Variants in HRAS observed in about 807,000 individuals in gnomAD.
HRAS encodes the protein HRas proto-oncogene, GTPase.
A neutral mutation model predicts 19.8 loss-of-function variants in HRAS; 11 were observed. That is an observed-to-expected ratio of 0.55 (90% CI 0.35 to 0.92). HRAS has a LOEUF of 0.92. HRAS is among the 40% of genes least tolerant of loss of function. The probability of loss-of-function intolerance (pLI) is 0.01; values close to 1 mark genes in which losing one functional copy is unlikely to be tolerated. For synonymous variants in HRAS, 149 were observed against 105.5 expected, an observed-to-expected ratio of 1.41 and a Z score of -2.52; for missense variants, 204 against 255.9, an observed-to-expected ratio of 0.80 and a Z score of 1.38.
rs531070910 is a variant in HRAS at position 533,233 on chromosome 11, C to T, written c.450+220G>A. The stretch of plus-strand genomic sequence containing the variant: ...GACTGCAGGGCGTGAGCCCAGACCC[C>T]GGCCCTCGCCTCCCTCACTGCCCTG... On this transcript the variant is annotated intron_variant, in intron 4 of 5. Coordinates refer to ENST00000311189, the MANE Select transcript of HRAS (RefSeq NM_005343.4). 1.0e-5 allele frequency: 15 copies of T among 1,488,468 alleles called. No homozygotes were observed. In the East Asian group the frequency reaches 1.7e-4, roughly 17 times the overall value. The allele number at this position is 1,488,468 out of a possible 1,614,324, so 92.2% of individuals were successfully genotyped here. A position where few individuals can be genotyped will look rare whatever the true frequency, so the allele number is the denominator to read the frequency against.
At chr11:535,293 C>T (rs1851410215) in intron 1 of HRAS, 123 bp downstream of exon 1, 1 of 32,726 alleles carries the variant, frequency 3.1e-5, no homozygotes, top group South Asian at 7.0e-4. Context: ...CACCCACCCG[C>T]CGCCGCCGCC....
Position 533,889 on chromosome 11 carries a change from AG to A in HRAS, c.166del (p.Leu56TrpfsTer48). 6.2e-7 allele frequency: 1 copy of A among 1,613,308 alleles called. No homozygotes were observed. Among genetic ancestry groups the A allele is most frequent in the South Asian group, 1.1e-5 (1 of 91,084 alleles). On this transcript the variant is annotated frameshift_variant, in exon 3 of 6. Coordinates refer to ENST00000311189, the MANE Select transcript of HRAS (RefSeq NM_005343.4). LOFTEE classifies it high-confidence loss of function. Reference sequence around the variant, plus strand: ...GTACTCCTCCTGGCCGGCGGTATCCAGGATGTCCAACAGGCACGTCTCCCCA... The same window carrying A: ...GTACTCCTCCTGGCCGGCGGTATCCAGATGTCCAACAGGCACGTCTCCCCA... ...IDGETCLLDI[L>X]DTAGQEEYSA...
At position 534,333 on chromosome 11, in the gene HRAS, G is replaced by T; in HGVS notation, c.-11C>A. The T allele has an allele frequency of 6.2e-7, 1 of 1,607,758 alleles. No homozygotes were observed. The highest frequency in any genetic ancestry group is 1.1e-5 in the South Asian group (1 of 90,996). ...CTTATATTCCGTCATCGCTCCTCAG[G>T]GGCCTGCGGCCCGGGGTCCTCCTAC... On this transcript the variant is annotated 5_prime_UTR_variant, in exon 2 of 6. Coordinates refer to ENST00000311189, the MANE Select transcript of HRAS (RefSeq NM_005343.4).
rs1017276958 is a variant in HRAS at position 532,634 on chromosome 11, C to T, written c.*2G>A. 15 of 1,610,714 alleles carry T rather than the reference C, an allele frequency of 9.3e-6. No homozygotes were observed. In the East Asian group the frequency reaches 1.1e-4, roughly 12 times the overall value. ...CCGCCCTGGGAGTCCCCCTCACCTG[C>T]GTCAGGAGAGCACACACTTGCAGCT... is the stretch of plus-strand genomic sequence containing the variant. On this transcript the variant is annotated 3_prime_UTR_variant, in exon 5 of 6. Coordinates refer to ENST00000311189, the MANE Select transcript of HRAS (RefSeq NM_005343.4).
In HRAS at chr11:532,808, G is replaced by A. The variant is rs528556138; in HGVS notation, c.451-53C>T. On this transcript the variant is annotated intron_variant, in intron 4 of 5. Coordinates refer to ENST00000311189, the MANE Select transcript of HRAS (RefSeq NM_005343.4). The stretch of plus-strand genomic sequence containing the variant: ...GGACCGGCCTGTGGCCGCCTGCCTG[G>A]GTGAGGGGCTCCCTGCTGTGGGATC... The A allele has an allele frequency of 4.5e-6, 7 of 1,567,752 alleles. No homozygotes were observed. The East Asian group carries it at 1.6e-4, about 35-fold the overall frequency.
chr11:534,326 TCCTCAGGGGCCTGCGGCCCGG>T lies in HRAS; in HGVS notation c.-25_-5del. 6.2e-7 allele frequency: 1 copy of T among 1,610,256 alleles called. No individual in the cohort carries two copies. The highest frequency in any genetic ancestry group is 8.5e-7 in the Non-Finnish European group (1 of 1,178,866). ...CCACCAGCTTATATTCCGTCATCGC[TCCTCAGGGGCCTGCGGCCCGG>T]GGTCCTCCTACAGGGTCTCCTGCCC... On this transcript the variant is annotated 5_prime_UTR_variant, in exon 2 of 6. Transcript: ENST00000311189.
In HRAS at chr11:534,206, G is replaced by T; in HGVS notation, c.111+6C>A. The T allele has an allele frequency of 6.2e-7, 1 of 1,603,726 alleles. No homozygotes were observed. On this transcript the variant is annotated splice_donor_region_variant and intron_variant, in intron 2 of 5. Coordinates refer to ENST00000311189, the MANE Select transcript of HRAS (RefSeq NM_005343.4). ...GCTGGCACCTGGACGGCGGCGCCAGGCTCACCTCTATAGTGGGGTCGTATT... is the reference window on the plus strand; with the variant it reads ...GCTGGCACCTGGACGGCGGCGCCAGTCTCACCTCTATAGTGGGGTCGTATT...
rs151229168 is a variant in HRAS at position 532,701 on chromosome 11, G to A, written c.505C>T (p.Arg169Trp). 68 of 1,613,016 alleles carry A rather than the reference G, an allele frequency of 4.2e-5. No homozygotes were observed. Among genetic ancestry groups the A allele is most frequent in the Non-Finnish European group, 5.6e-5 (66 of 1,179,972 alleles). The change falls in exon 5 of 6, where the codon CGG becomes TGG. Residue 169 changes from arginine to tryptophan, a missense_variant. By Grantham distance (101) the Arg-to-Trp change is moderately radical (BLOSUM62 -3). Coordinates refer to ENST00000311189, the MANE Select transcript of HRAS (RefSeq NM_005343.4). Reference protein sequence around the residue: ...LVREIRQHKLRKLNPPDESGP... With the variant: ...LVREIRQHKLWKLNPPDESGP... Reference sequence around the variant, plus strand: ...CTCTCATCAGGAGGGTTCAGCTTCCGCAGCTTGTGCTGCCGGATCTCACGC... The same window carrying A: ...CTCTCATCAGGAGGGTTCAGCTTCCACAGCTTGTGCTGCCGGATCTCACGC...
intron 2 of HRAS, 21 bp downstream of exon 2, chr11:534,191 G>A (rs1202118109): frequency 3.8e-6 from 6 of 1,576,890 alleles, no homozygotes; most frequent in Non-Finnish European, 5.2e-6. Context: ...GCTGGCACCT[G>A]GACGGCGGCG....
chr11:533,053 G>A (rs756792964), intron 4 of HRAS, among the ~76,000 whole-genome samples: 5 of 152,206 alleles, frequency 3.3e-5, no homozygotes, highest in African/African-American at 7.2e-5. Flanking sequence ...GCTACGGCCC[G>A]TGTCCCCAGT....
At position 534,130 on chromosome 11, in the gene HRAS, G is replaced by A. The variant is rs533733694; in HGVS notation, c.111+82C>T. The A allele has an allele frequency of 1.6e-5, 20 of 1,266,240 alleles. No individual in the cohort carries two copies. The African/African-American group carries it at 2.6e-4, about 17-fold the overall frequency. The allele number at this position is 1,266,240 out of a possible 1,614,324, so 78.4% of individuals were successfully genotyped here. On this transcript the variant is annotated intron_variant, in intron 2 of 5. Transcript: ENST00000311189. ...CCACAGCACCATGCAGGGGACCAGG[G>A]GCTGCAGCCAGCCCTATCCTGGCTG...
rs397517140 is a variant in HRAS at position 533,525 on chromosome 11, T to C, written c.378A>G (p.Glu126=). The change falls in exon 4 of 6, where the codon GAA becomes GAG. Residue 126 remains glutamate (E), a synonymous_variant. Coordinates refer to ENST00000311189, the MANE Select transcript of HRAS (RefSeq NM_005343.4). ...GGGCGAGGTCCTGAGCCTGCCGAGA[T>C]TCCACAGTGCGTGCAGCCAGGTCAC... ...NKCDLAARTV[E]SRQAQDLARS... 182 of 1,613,784 alleles carry C rather than the reference T, an allele frequency of 1.1e-4. 1 individual carries two copies. The South Asian group carries it at 1.4e-3, about 13-fold the overall frequency.
At chr11:532,601 C>T (rs753270499) in intron 5 of HRAS, 30 bp downstream of exon 5, 57 of 1,598,476 alleles carry the variant, frequency 3.6e-5, no homozygotes, top group Middle Eastern at 3.4e-4. Flanking sequence ...ATCCGGTGGG[C>T]GTGGCGGCCG....
Position 532,280 on chromosome 11 carries a change from C to T in HRAS, c.*248G>A. 2.2e-6 allele frequency: 1 copy of T among 459,304 alleles called. No individual in the cohort carries two copies. Among genetic ancestry groups the T allele is most frequent in the Non-Finnish European group, 4.0e-6 (1 of 248,434 alleles). The allele number at this position is 459,304 out of a possible 1,614,324, so 28.5% of individuals were successfully genotyped here. A position where few individuals can be genotyped will look rare whatever the true frequency, so the allele number is the denominator to read the frequency against. ...ATAATTTACTGTGATCCCATCTGTGCCCGACAAGGGCCCACAGAGGCCTGG... is the reference window on the plus strand; with the variant it reads ...ATAATTTACTGTGATCCCATCTGTGTCCGACAAGGGCCCACAGAGGCCTGG... On this transcript the variant is annotated 3_prime_UTR_variant, in exon 6 of 6. Transcript: ENST00000311189.
chr11:533,326 C>T, intron 4 of HRAS, 127 bp downstream of exon 4: 1 of 1,604,132 alleles, frequency 6.2e-7, no homozygotes, highest in Non-Finnish European at 8.5e-7. Context: ...CCCAGAGGGT[C>T]CCGGAGCTGG....
In HRAS at chr11:534,287, G is replaced by A. The variant is rs727504424; in HGVS notation, c.36C>T (p.Gly12=). 20 of 1,613,138 alleles carry A rather than the reference G, an allele frequency of 1.2e-5. No homozygotes were observed. The East Asian group carries it at 4.5e-4, about 36-fold the overall frequency. Residue 12 remains glycine (G), a synonymous_variant, in exon 2 of 6, where the codon GGC becomes GGT. Coordinates refer to ENST00000311189, the MANE Select transcript of HRAS (RefSeq NM_005343.4). ...TEYKLVVVGA[G]GVGKSALTIQ... is the part of the protein sequence containing the mutation. ...TGGTCAGCGCACTCTTGCCCACACC[G>A]CCGGCGCCCACCACCACCAGCTTAT...
chr11:533,212 G>A (rs1382054256), intron 4 of HRAS: 4 of 1,373,418 alleles, frequency 2.9e-6, no homozygotes, highest in Non-Finnish European at 4.0e-6. Flanking sequence ...GCCCAGGACT[G>A]CAGGGCGTGA....
intron 1 of HRAS, among the ~76,000 whole-genome samples, chr11:535,103 G>A (rs1383668620): frequency 6.6e-6 from 1 of 151,904 alleles, no homozygotes; most frequent in Non-Finnish European, 1.5e-5. Context: ...CCTCCTCCCA[G>A]ACGCCCCCGG....
rs1060504682 is a variant in HRAS at position 533,591 on chromosome 11, C to T, written c.312G>A (p.Lys104=). Residue 104 remains lysine, a synonymous_variant, in exon 4 of 6, where the codon AAG becomes AAA. Coordinates refer to ENST00000311189, the MANE Select transcript of HRAS (RefSeq NM_005343.4). The part of the protein sequence containing the change: ...HQYREQIKRV[K]DSDDVPMVLV... ...GCACCATGGGCACGTCATCCGAGTC[C>T]TTCACCCGTTTGATCTGCTCCCTGA... 4 of 1,613,872 alleles carry T rather than the reference C, an allele frequency of 2.5e-6. No homozygotes were observed. The highest frequency in any genetic ancestry group is 3.3e-5 in the Admixed American group (2 of 60,028).
Sources: allele counts gnomAD v4.1 joint callset (sites outside exome capture counted in the v4.1 genomes callset), GRCh38; gene constraint gnomAD v4.1.1; transcripts MANE v1.5; gene names NCBI Gene and HGNC (gene_info 2026-07-23, HGNC 2026-07-21).